The following FRMD4A variants were observed in gnomAD, a reference collection of about 807,000 sequenced individuals.
FRMD4A encodes the protein FERM domain-containing protein 4A.
FRMD4A carries 29 observed loss-of-function variants against 129.1 expected under a neutral mutation model. That is an observed-to-expected ratio of 0.22 (90% CI 0.17 to 0.31). FRMD4A has a LOEUF of 0.31. Among genes scored for constraint, FRMD4A ranks in the 10% least tolerant of loss-of-function variants. The pLI is 1.00. For missense variants in FRMD4A, 1,272 were observed against 1,375.8 expected (o/e 0.92, Z 1.19); for synonymous variants, 634 against 571.6 (o/e 1.11, Z -1.56).
intron 2 of FRMD4A, among the ~76,000 whole-genome samples, chr10:13,981,687 C>T (rs550247856): frequency 8.9e-4 from 129 of 144,216 alleles, no homozygotes; most frequent in African/African-American, 3.1e-3. Flanking sequence ...TGTAGTGAGC[C>T]GAGATCACGC....
At chr10:14,112,566 C>A (rs1207826459) in intron 2 of FRMD4A, among the ~76,000 whole-genome samples, 1 of 152,166 alleles carries the variant, frequency 6.6e-6, no homozygotes, top group Non-Finnish European at 1.5e-5. Flanking sequence ...CACTCTGTAG[C>A]CCAGGCTGGA....
At chr10:13,810,229 A>C (rs1165956671) in intron 4 of FRMD4A, among the ~76,000 whole-genome samples, 1 of 152,242 alleles carries the variant, frequency 6.6e-6, no homozygotes, top group Non-Finnish European at 1.5e-5. Context: ...CAGTACCTTA[A>C]AAAGAAAATG....
In FRMD4A at chr10:14,215,733, G is replaced by A. The variant is rs138753454; in HGVS notation, c.45+114325C>T. Among the ~76,000 whole-genome samples the A allele has an allele frequency of 3.3e-5, 5 of 152,000 alleles. No individual in the cohort carries two copies. In the East Asian group the frequency reaches 9.7e-4, roughly 30 times the overall value. On this transcript the variant is annotated intron_variant, in intron 2 of 24. Coordinates refer to ENST00000357447, the MANE Select transcript of FRMD4A (RefSeq NM_018027.5). ...GGGGAAGCCTAGAGAGAATAGTGCC[G>A]GCATATGAGCGAAGGTCTACATTAA...
intron 2 of FRMD4A, among the ~76,000 whole-genome samples, chr10:13,990,798 C>T (rs1269180235): frequency 1.3e-5 from 2 of 152,166 alleles, no homozygotes; most frequent in East Asian, 1.9e-4. Context: ...TCTCCCTCTG[C>T]GAGTCAACCT....
chr10:14,165,985 C>G (rs548500523), intron 2 of FRMD4A, among the ~76,000 whole-genome samples: 1 of 152,138 alleles, frequency 6.6e-6, no homozygotes, highest in African/African-American at 2.4e-5. Context: ...ACAAACGTAT[C>G]CATGTGCCCC....
intron 2 of FRMD4A, among the ~76,000 whole-genome samples, chr10:14,276,691 C>T (rs564181378): frequency 6.5e-4 from 99 of 152,316 alleles, no homozygotes; most frequent in Non-Finnish European, 4.4e-5. Context: ...AGGATCCTCG[C>T]ATCTCCAGAG....
At chr10:14,220,805 TG>T (rs1379453225) in intron 2 of FRMD4A, among the ~76,000 whole-genome samples, 40,860 of 103,066 alleles carry the variant, frequency 0.4, 5,705 homozygotes, top group Non-Finnish European at 0.47. Flanking sequence ...TGTGTGTGTG[TG>T]TGTGTTTGTG....
At chr10:14,317,352 C>T (rs1846778584) in intron 2 of FRMD4A, among the ~76,000 whole-genome samples, 1 of 152,142 alleles carries the variant, frequency 6.6e-6, no homozygotes, top group Non-Finnish European at 1.5e-5. Flanking sequence ...GTATGCTGTT[C>T]CCTGTACCTG....
chr10:13,772,165 A>T (rs1050876647), intron 6 of FRMD4A, among the ~76,000 whole-genome samples: 6 of 138,914 alleles, frequency 4.3e-5, no homozygotes, highest in African/African-American at 1.3e-4. Context: ...TATAATATAT[A>T]ATATATTATA....
chr10:13,714,027 C>CATATATATAAAATATATAATAT lies in FRMD4A; in HGVS notation c.760-6915_760-6914insATATTATATATTTTATATATAT, dbSNP rs1554858885. 6.7e-4 allele frequency among the ~76,000 whole-genome samples: 21 copies of CATATATATAAAATATATAATAT among 31,166 alleles called. No individual in the cohort carries two copies. In the East Asian group the frequency reaches 0.016, roughly 24 times the overall value. The allele number at this position is 31,166 out of a possible 152,430, so 20.4% of individuals were successfully genotyped here. On this transcript the variant is annotated intron_variant, in intron 12 of 24. Transcript: ENST00000357447. The stretch of plus-strand genomic sequence containing the variant: ...ATATAATATACATATATAAAATATA[C>CATATATATAAAATATATAATAT]ATATATATATATATATATATATATA...
chr10:13,802,375 TA>T (rs1000246747), intron 4 of FRMD4A, among the ~76,000 whole-genome samples: 7 of 152,274 alleles, frequency 4.6e-5, no homozygotes, highest in Non-Finnish European at 1.0e-4. Context: ...GCACAGCTTC[TA>T]GATGTTTTTA....
At chr10:14,214,876 C>A (rs1419744040) in intron 2 of FRMD4A, among the ~76,000 whole-genome samples, 1 of 152,166 alleles carries the variant, frequency 6.6e-6, no homozygotes, top group Non-Finnish European at 1.5e-5. Flanking sequence ...TACATAATAG[C>A]CTCCATACTA....
Position 13,814,488 on chromosome 10 carries a change from G to A in FRMD4A, c.112-3580C>T, listed in dbSNP as rs183381521. Among the ~76,000 whole-genome samples the A allele has an allele frequency of 6.7e-5, 10 of 148,280 alleles. 1 individual carries two copies. The East Asian group carries it at 1.8e-3, about 27-fold the overall frequency. ...CCTAGCTATTCAGGAAGCTCAGACCGGAGGATTGCTTGAGTCCAGGAAATT... is the reference window on the plus strand; with the variant it reads ...CCTAGCTATTCAGGAAGCTCAGACCAGAGGATTGCTTGAGTCCAGGAAATT... On this transcript the variant is annotated intron_variant, in intron 3 of 24. Coordinates refer to ENST00000357447, the MANE Select transcript of FRMD4A (RefSeq NM_018027.5).
At chr10:14,153,992 G>A (rs936887971) in intron 2 of FRMD4A, among the ~76,000 whole-genome samples, 1 of 152,104 alleles carries the variant, frequency 6.6e-6, no homozygotes, top group Admixed American at 6.5e-5. Context: ...ACGGGGTCGC[G>A]GCTTCCTGCT....
intron 13 of FRMD4A, among the ~76,000 whole-genome samples, chr10:13,703,769 C>T (rs770437322): frequency 2.0e-5 from 3 of 152,172 alleles, no homozygotes; most frequent in Non-Finnish European, 4.4e-5. Context: ...AAATAGTAAA[C>T]ACTGAGGCGG....
intron 2 of FRMD4A, among the ~76,000 whole-genome samples, chr10:14,185,721 A>G (rs764505081): frequency 1.3e-5 from 2 of 152,214 alleles, no homozygotes; most frequent in Non-Finnish European, 2.9e-5. Flanking sequence ...CAGTAGTTCT[A>G]GAGAGAAGGG....
intron 3 of FRMD4A, among the ~76,000 whole-genome samples, chr10:13,847,962 C>T (rs1046919307): frequency 6.6e-6 from 1 of 152,238 alleles, no homozygotes; most frequent in Non-Finnish European, 1.5e-5. Context: ...ATTTGTTACC[C>T]CTTGGGTCCC....
intron 2 of FRMD4A, among the ~76,000 whole-genome samples, chr10:13,980,017 A>G (rs914911573): frequency 6.6e-6 from 1 of 152,194 alleles, no homozygotes; most frequent in Non-Finnish European, 1.5e-5. Flanking sequence ...GGCATTCACA[A>G]TGCTGGGGAC....
At chr10:13,913,497 C>T (rs78503288) in intron 2 of FRMD4A, among the ~76,000 whole-genome samples, 16,679 of 152,148 alleles carry the variant, frequency 0.11, 1,113 homozygotes, top group Non-Finnish European at 0.16. Context: ...GCCACCATCC[C>T]CAGGCTTCAG....
Sources: gnomAD v4.1 joint callset for allele counts (sites outside exome capture counted in the v4.1 genomes callset) on GRCh38, gnomAD v4.1.1 for gene constraint, MANE v1.5 for transcripts, NCBI Gene and HGNC (gene_info 2026-07-23, HGNC 2026-07-21) for gene names.